MOB1B: variants seen among roughly 807,000 people sequenced by gnomAD.
MOB1B encodes the protein MOB kinase activator 1B, also known as MOB1 Mps One Binder homolog B.
Under a neutral mutation model 24.4 loss-of-function variants are expected in MOB1B, and 19 were observed. That is an observed-to-expected ratio of 0.78 (90% confidence interval 0.54 to 1.14). MOB1B has a LOEUF of 1.14. MOB1B is among the 50% of genes most tolerant of loss of function. The pLI is 0.00. For missense variants in MOB1B, 243 were observed against 259.6 expected (o/e 0.94, Z 0.44); for synonymous variants, 76 against 82.1 (o/e 0.93, Z 0.40).
intron 1 of MOB1B, among the ~76,000 whole-genome samples, chr4:70,956,253 A>G (rs981355877): frequency 2.0e-5 from 3 of 151,246 alleles, no homozygotes; most frequent in Non-Finnish European, 4.4e-5. Context: ...TTATTTTTAA[A>G]TTTTTTTCTT....
intron 2 of MOB1B, among the ~76,000 whole-genome samples, chr4:70,962,594 G>GA (rs571466680): frequency 4.8e-4 from 70 of 146,758 alleles, no homozygotes; most frequent in East Asian, 1.2e-3. Context: ...AAACTTCTAG[G>GA]AAAAAAAAAA....
intron 1 of MOB1B, among the ~76,000 whole-genome samples, chr4:70,916,812 AC>A (rs1736214612): frequency 6.6e-6 from 1 of 152,104 alleles, no homozygotes; most frequent in Admixed American, 6.5e-5. Flanking sequence ...GAGGTAATCC[AC>A]CCACCTCGAC....
At chr4:70,976,467 G>C in intron 4 of MOB1B, 1 of 985,164 alleles carries the variant, frequency 1.0e-6, no homozygotes, top group Non-Finnish European at 1.2e-6. Context: ...GAGTGACTTT[G>C]CTTTTTTGTA....
At chr4:70,954,121 A>G (rs911066832) in intron 1 of MOB1B, among the ~76,000 whole-genome samples, 5 of 152,166 alleles carry the variant, frequency 3.3e-5, no homozygotes, top group Non-Finnish European at 7.3e-5. Context: ...TGTGACAGTT[A>G]TTTCTTTCTG....
At chr4:70,974,349 G>C (rs1015716724) in intron 3 of MOB1B, among the ~76,000 whole-genome samples, 1 of 151,940 alleles carries the variant, frequency 6.6e-6, no homozygotes, top group Non-Finnish European at 1.5e-5. Flanking sequence ...AGTGATCCAC[G>C]TGCCTCGGCC....
chr4:70,959,851 A>G (rs916397711), intron 2 of MOB1B, among the ~76,000 whole-genome samples: 1 of 152,116 alleles, frequency 6.6e-6, no homozygotes, highest in South Asian at 2.1e-4. Context: ...TCTCAGTGGC[A>G]TACTCAGTTA....
At chr4:70,960,480 A>G (rs1656421532) in intron 2 of MOB1B, among the ~76,000 whole-genome samples, 4 of 152,210 alleles carry the variant, frequency 2.6e-5, no homozygotes, top group Admixed American at 2.6e-4. Flanking sequence ...AATGCAAAAC[A>G]GTATTTTTCT....
chr4:70,982,030 T>A lies in MOB1B; in HGVS notation c.624T>A (p.Ile208=). Reference sequence around the variant, plus strand: ...AACTTGCACCACTCCAAGAACTGATTGAAAAACTCACCTCAAAAGACAGAT... The same window carrying A: ...AACTTGCACCACTCCAAGAACTGATAGAAAAACTCACCTCAAAAGACAGAT... ...RRELAPLQEL[I]EKLTSKDR The change falls in exon 6 of 6, where the codon ATT becomes ATA. Residue 208 remains isoleucine, a synonymous_variant. Transcript: ENST00000309395. 2 of 1,612,506 alleles carry A rather than the reference T, an allele frequency of 1.2e-6. No homozygotes were observed. The highest frequency in any genetic ancestry group is 1.7e-6 in the Non-Finnish European group (2 of 1,178,818).
intron 2 of MOB1B, among the ~76,000 whole-genome samples, chr4:70,964,929 TC>T (rs1480269476): frequency 7.6e-6 from 1 of 131,538 alleles, no homozygotes; most frequent in Non-Finnish European, 1.6e-5. Context: ...AAACTCCGTC[TC>T]AAAAAAAAAA....
At chr4:70,906,330 T>C (rs1369291265) in intron 1 of MOB1B, among the ~76,000 whole-genome samples, 1 of 152,110 alleles carries the variant, frequency 6.6e-6, no homozygotes, top group Admixed American at 6.6e-5. Flanking sequence ...TGGGCCAAGA[T>C]TGTGCCACTG....
rs1735547704 is a variant in MOB1B, at chr4:70,902,447, C to T, written c.-90C>T. On this transcript the variant is annotated 5_prime_UTR_variant, in exon 1 of 6. Coordinates refer to ENST00000309395, the MANE Select transcript of MOB1B (RefSeq NM_173468.4). The stretch of plus-strand genomic sequence containing the variant: ...CACCTCCTCCTCCGCCTCCCTGTCT[C>T]CTGTTCCATTCGCCTTTCCTCTTCT... 7.2e-7 allele frequency: 1 copy of T among 1,397,960 alleles called. No individual in the cohort carries two copies. The highest frequency in any genetic ancestry group is 9.9e-7 in the Non-Finnish European group (1 of 1,007,940). The allele number at this position is 1,397,960 out of a possible 1,614,324, so 86.6% of individuals were successfully genotyped here. A position where few individuals can be genotyped will look rare whatever the true frequency, so the allele number is the denominator to read the frequency against.
chr4:70,958,823 G>C (rs1001406051), intron 1 of MOB1B, 51 bp from the exon 2 acceptor site: 20 of 1,482,292 alleles, frequency 1.3e-5, no homozygotes, highest in Non-Finnish European at 1.9e-5. Flanking sequence ...TGACTCTATT[G>C]AATGTCATGC....
chr4:70,912,213 C>T (rs980523628), intron 1 of MOB1B, among the ~76,000 whole-genome samples: 1 of 151,348 alleles, frequency 6.6e-6, no homozygotes, highest in African/African-American at 2.4e-5. Flanking sequence ...CCATCTTTTA[C>T]AACACATTTA....
At chr4:70,949,879 C>T (rs1265088949) in intron 1 of MOB1B, among the ~76,000 whole-genome samples, 1 of 151,752 alleles carries the variant, frequency 6.6e-6, no homozygotes, top group Non-Finnish European at 1.5e-5. Context: ...CACTGCACTC[C>T]AGCCTAGGGG....
At chr4:70,911,424 A>G (rs766367832) in intron 1 of MOB1B, among the ~76,000 whole-genome samples, 7 of 151,822 alleles carry the variant, frequency 4.6e-5, no homozygotes, top group East Asian at 1.9e-4. Flanking sequence ...ATCCTTATAT[A>G]TAATATATGT....
chr4:70,907,657 C>G (rs995309337), intron 1 of MOB1B, among the ~76,000 whole-genome samples: 1 of 152,012 alleles, frequency 6.6e-6, no homozygotes, highest in Non-Finnish European at 1.5e-5. Context: ...GGCAGAACCC[C>G]CATCTCTACC....
Position 70,982,504 on chromosome 4 carries a change from A to T in MOB1B, c.*447A>T, listed in dbSNP as rs1478576073. The stretch of plus-strand genomic sequence containing the variant: ...AGAACTGAACAGGGCTTGAAACAAT[A>T]TTAGGATTACTACCCAGGGCACTTA... On this transcript the variant is annotated 3_prime_UTR_variant, in exon 6 of 6. Coordinates refer to ENST00000309395, the MANE Select transcript of MOB1B (RefSeq NM_173468.4). 6.5e-6 allele frequency: 1 copy of T among 153,108 alleles called. No individual in the cohort carries two copies. The highest frequency in any genetic ancestry group is 1.9e-4 in the East Asian group (1 of 5,208). The allele number at this position is 153,108 out of a possible 1,614,324, so 9.5% of individuals were successfully genotyped here. A position where few individuals can be genotyped will look rare whatever the true frequency, so the allele number is the denominator to read the frequency against.
chr4:70,976,781 T>TATATATATATATATATATATATA (rs1269238755), intron 4 of MOB1B: 1 of 218,716 alleles, frequency 4.6e-6, no homozygotes, highest in African/African-American at 2.9e-5. Context: ...TATATCTCTC[T>TATATATATATATATATATATATA]CTCTCAATCA....
intron 1 of MOB1B, among the ~76,000 whole-genome samples, chr4:70,946,365 A>G (rs995621722): frequency 1.1e-4 from 17 of 152,116 alleles, no homozygotes; most frequent in Non-Finnish European, 2.9e-5. Flanking sequence ...GCATTCCGTT[A>G]TGTTTCAGCT....
Sources: gnomAD v4.1 joint callset for allele counts (sites outside exome capture counted in the v4.1 genomes callset) on GRCh38, gnomAD v4.1.1 for gene constraint, MANE v1.5 for transcripts, NCBI Gene and HGNC (gene_info 2026-07-23, HGNC 2026-07-21) for gene names.